Variants in UNC13C observed in about 807,000 individuals in gnomAD.
UNC13C encodes the protein unc-13 homolog C, also known as protein unc-13 homolog C.
A neutral mutation model predicts 245.4 loss-of-function variants in UNC13C; 174 were observed. That is an observed-to-expected ratio of 0.71 (90% CI 0.63 to 0.80). UNC13C has a LOEUF of 0.80. Among genes scored for constraint, UNC13C ranks in the 30% least tolerant of loss-of-function variants. The pLI is 0.00. For synonymous variants in UNC13C, 992 were observed against 895.1 expected (o/e 1.11, Z -1.93); for missense variants, 2,829 against 2,602.9 (o/e 1.09, Z -1.89).
At chr15:54,421,674 T>C (rs1202095348) in intron 19 of UNC13C, among the ~76,000 whole-genome samples, 2 of 152,088 alleles carry the variant, frequency 1.3e-5, no homozygotes, top group Admixed American at 6.6e-5. Context: ...AAGTAGCAAA[T>C]GAACCCATTT....
At chr15:54,071,876 G>A (rs1205057740) in intron 2 of UNC13C, among the ~76,000 whole-genome samples, 1 of 152,054 alleles carries the variant, frequency 6.6e-6, no homozygotes, top group African/African-American at 2.4e-5. Context: ...AAAGATTCCT[G>A]ACCCCTGGCC....
At chr15:54,058,110 T>C (rs1484112462) in intron 2 of UNC13C, among the ~76,000 whole-genome samples, 7 of 151,710 alleles carry the variant, frequency 4.6e-5, no homozygotes, top group Admixed American at 2.0e-4. Context: ...ATAACTAAGA[T>C]CAGAGCAGAA....
chr15:54,597,588 C>T (rs1899162466), intron 30 of UNC13C, among the ~76,000 whole-genome samples: 1 of 152,076 alleles, frequency 6.6e-6, no homozygotes, highest in Admixed American at 6.6e-5. Flanking sequence ...AAGAGAGTAC[C>T]CGCTGTGTAA....
At chr15:54,425,983 C>T (rs1043424710) in intron 19 of UNC13C, among the ~76,000 whole-genome samples, 3 of 151,634 alleles carry the variant, frequency 2.0e-5, no homozygotes, top group African/African-American at 7.3e-5. Context: ...GGCCATCTTC[C>T]AAATTCTTTG....
chr15:53,939,489 A>G, the UNC13C span, among the ~76,000 whole-genome samples: 1 of 152,162 alleles, frequency 6.6e-6, no homozygotes, highest in Admixed American at 6.5e-5. Context: ...TCTTTCTATG[A>G]GGCCAGTATC....
intron 4 of UNC13C, among the ~76,000 whole-genome samples, chr15:54,204,082 G>C (rs1232890328): frequency 1.3e-5 from 2 of 151,594 alleles, no homozygotes; most frequent in Non-Finnish European, 2.9e-5. Context: ...AGTCATATGT[G>C]GGAGCTAACC....
At chr15:54,387,886 C>A (rs183179368) in intron 17 of UNC13C, among the ~76,000 whole-genome samples, 1 of 152,244 alleles carries the variant, frequency 6.6e-6, no homozygotes, top group African/African-American at 2.4e-5. Flanking sequence ...CATCAGCAAA[C>A]CTTGTTGCTA....
the UNC13C span, among the ~76,000 whole-genome samples, chr15:53,950,916 AAC>A: frequency 2.0e-5 from 3 of 152,212 alleles, no homozygotes; most frequent in African/African-American, 7.2e-5. Flanking sequence ...TTTTTGTAAC[AAC>A]AGTTATTATA....
chr15:54,072,435 C>A lies in UNC13C; in HGVS notation c.2983+56549C>A, dbSNP rs181749536. ...AAAAGGCCTGGTAGCTGAGGCTGTC[C>A]TTTGCACTCTTTTGCTTCTTCAATG... is the stretch of plus-strand genomic sequence containing the variant. On this transcript the variant is annotated intron_variant, in intron 2 of 32. Transcript: ENST00000260323. Among the ~76,000 whole-genome samples the A allele has an allele frequency of 1.2e-4, 19 of 152,266 alleles. No individual in the cohort carries two copies. In the East Asian group the frequency reaches 3.5e-3, roughly 28 times the overall value.
Position 54,014,456 on chromosome 15 carries a change from A to T in UNC13C, c.1553A>T (p.Asp518Val). ...DKISSQLPESDILEKQTTTHY... is the reference protein window; with the variant it reads ...DKISSQLPESVILEKQTTTHY... ...ATCTCCTCACAGTTGCCAGAATCAG[A>T]TATCTTGGAAAAGCAAACCACAACC... The change falls in exon 2 of 33, where the codon GAT (aspartate) becomes GTT (valine). Residue 518 changes from aspartate to valine, a missense_variant. Asp to Val is a radical substitution (Grantham distance 152, BLOSUM62 -3). Coordinates refer to ENST00000260323, the MANE Select transcript of UNC13C (RefSeq NM_001080534.3). 6.2e-7 allele frequency: 1 copy of T among 1,613,810 alleles called. No homozygotes were observed. Among genetic ancestry groups the T allele is most frequent in the Non-Finnish European group, 8.5e-7 (1 of 1,179,810 alleles).
chr15:54,455,164 C>CCTCCCTCTCT (rs1891405561), intron 19 of UNC13C, among the ~76,000 whole-genome samples: 1 of 17,520 alleles, frequency 5.7e-5, no homozygotes, highest in African/African-American at 1.9e-4. Flanking sequence ...GAGTCATATT[C>CCTCCCTCTCT]CTCTCTCTCT....
intron 2 of UNC13C, among the ~76,000 whole-genome samples, chr15:54,048,117 T>C (rs187776040): frequency 6.6e-6 from 1 of 152,300 alleles, no homozygotes; most frequent in East Asian, 1.9e-4. Flanking sequence ...AACATGCTTA[T>C]CCTTAGTTAA....
intron 19 of UNC13C, among the ~76,000 whole-genome samples, chr15:54,474,422 T>A (rs1892618025): frequency 6.6e-6 from 1 of 151,976 alleles, no homozygotes; most frequent in Non-Finnish European, 1.5e-5. Flanking sequence ...GCCTTGATGA[T>A]TAGTGATGTT....
intron 26 of UNC13C, among the ~76,000 whole-genome samples, chr15:54,543,610 G>A (rs1035448638): frequency 7.9e-5 from 12 of 152,156 alleles, no homozygotes; most frequent in African/African-American, 1.4e-4. Context: ...TGATAAAGGT[G>A]ATATCACCAC....
At chr15:54,112,500 C>CG (rs1343824051) in intron 2 of UNC13C, among the ~76,000 whole-genome samples, 3 of 152,078 alleles carry the variant, frequency 2.0e-5, no homozygotes, top group Non-Finnish European at 4.4e-5. Flanking sequence ...ACCTGGCCAG[C>CG]GCCATGTTGT....
chr15:54,030,385 C>G (rs1896307925), intron 2 of UNC13C, among the ~76,000 whole-genome samples: 1 of 152,152 alleles, frequency 6.6e-6, no homozygotes, highest in South Asian at 2.1e-4. Context: ...ATACAAACTC[C>G]TGTGAACAAT....
intron 29 of UNC13C, among the ~76,000 whole-genome samples, chr15:54,561,819 T>A (rs1188016651): frequency 6.6e-6 from 1 of 151,810 alleles, no homozygotes; most frequent in African/African-American, 2.4e-5. Flanking sequence ...TGAGTTCCAG[T>A]TATTTAGTTC....
chr15:54,514,301 G>C (rs1412694321), intron 24 of UNC13C, among the ~76,000 whole-genome samples: 2 of 152,162 alleles, frequency 1.3e-5, no homozygotes, highest in African/African-American at 4.8e-5. Context: ...GCCTTTAAAA[G>C]TTATACAATG....
intron 10 of UNC13C, among the ~76,000 whole-genome samples, chr15:54,289,382 C>G (rs1188234083): frequency 6.6e-6 from 1 of 152,034 alleles, no homozygotes; most frequent in East Asian, 1.9e-4. Flanking sequence ...TTATAGTGAG[C>G]AAGATTTGAC....
Sources: allele counts gnomAD v4.1 joint callset (sites outside exome capture counted in the v4.1 genomes callset), GRCh38; gene constraint gnomAD v4.1.1; transcripts MANE v1.5; gene names NCBI Gene and HGNC (gene_info 2026-07-23, HGNC 2026-07-21).